The following SLC44A5 variants were observed in gnomAD, a reference collection of about 807,000 sequenced individuals.
SLC44A5 encodes the protein choline transporter-like protein 5.
SLC44A5 carries 57 observed loss-of-function variants against 101.8 expected under a neutral mutation model. That is an observed-to-expected ratio of 0.56 (90% CI 0.45 to 0.70). The LOEUF is 0.70. SLC44A5 is among the 30% of genes least tolerant of loss of function. SLC44A5 has a pLI of 0.00. For missense variants in SLC44A5, 737 were observed against 853.1 expected (o/e 0.86, Z 1.70); for synonymous variants, 281 against 290.9 (o/e 0.97, Z 0.35).
intron 3 of SLC44A5, among the ~76,000 whole-genome samples, chr1:75,357,459 G>A (rs1659165791): frequency 6.6e-6 from 1 of 152,150 alleles, no homozygotes; most frequent in Non-Finnish European, 1.5e-5. Flanking sequence ...GAGACACAAA[G>A]ATGGATAAGA....
chr1:75,242,837 G>A, intron 8 of SLC44A5, 49 bp downstream of exon 8: 2 of 1,512,854 alleles, frequency 1.3e-6, no homozygotes, highest in Middle Eastern at 1.8e-4. Context: ...ACTTGAGATT[G>A]AAAAAAAAAG....
chr1:75,620,199 A>G, the SLC44A5 span, among the ~76,000 whole-genome samples: 1 of 152,098 alleles, frequency 6.6e-6, no homozygotes, highest in African/African-American at 2.4e-5. Flanking sequence ...TCCATGGTGT[A>G]TATGTGCCAC....
chr1:75,682,359 A>G, the SLC44A5 span, among the ~76,000 whole-genome samples: 30 of 152,168 alleles, frequency 2.0e-4, no homozygotes, highest in African/African-American at 7.2e-4. Context: ...AAACTATACT[A>G]CAAGGCTACA....
chr1:75,236,705 A>C (rs1648115627), intron 11 of SLC44A5, among the ~76,000 whole-genome samples: 1 of 152,074 alleles, frequency 6.6e-6, no homozygotes. Flanking sequence ...ATATTGCTCC[A>C]TGTGACTTGA....
chr1:75,605,564 A>C (rs953826777), intron 1 of SLC44A5, among the ~76,000 whole-genome samples: 2 of 152,000 alleles, frequency 1.3e-5, no homozygotes, highest in Non-Finnish European at 2.9e-5. Context: ...ACAGATGCAG[A>C]ATAGAAATCA....
In SLC44A5 at chr1:75,540,687, T is replaced by C. The variant is rs115013335; in HGVS notation, c.13+748A>G. On this transcript the variant is annotated intron_variant, in intron 2 of 23. Transcript: ENST00000370859. ...ACATTCTGTATTTTCTACTTTAACT[T>C]GTACTTATGCCACATTTTTTTTTCA... 9.1e-3 allele frequency among the ~76,000 whole-genome samples: 1,381 copies of C among 152,330 alleles called. 23 individuals carry two copies. Among genetic ancestry groups the C allele is most frequent in the African/African-American group, 0.031 (1,282 of 41,564 alleles).
intron 4 of SLC44A5, among the ~76,000 whole-genome samples, chr1:75,309,017 T>G (rs909413649): frequency 2.0e-5 from 3 of 152,214 alleles, no homozygotes; most frequent in Non-Finnish European, 4.4e-5. Flanking sequence ...CCCAGTAATT[T>G]TCTTTTTAGT....
the SLC44A5 span, chr1:75,641,639 C>T: frequency 6.7e-7 from 1 of 1,491,204 alleles, no homozygotes. Flanking sequence ...AATTGCATAA[C>T]AAGGAAGTAA....
intron 7 of SLC44A5, among the ~76,000 whole-genome samples, chr1:75,247,605 G>T (rs1327011460): frequency 2.6e-5 from 4 of 152,060 alleles, no homozygotes; most frequent in Non-Finnish European, 5.9e-5. Context: ...GAAATGCAGT[G>T]TTTAAAAGAT....
chr1:75,407,309 C>A (rs936741349), intron 2 of SLC44A5, among the ~76,000 whole-genome samples: 1 of 152,050 alleles, frequency 6.6e-6, no homozygotes, highest in African/African-American at 2.4e-5. Flanking sequence ...GATTCAATGC[C>A]ATCCCCATCA....
chr1:75,336,813 C>T (rs200088949), intron 4 of SLC44A5, among the ~76,000 whole-genome samples: 2 of 152,092 alleles, frequency 1.3e-5, no homozygotes, highest in East Asian at 3.9e-4. Context: ...GTGTCATGCC[C>T]CCTGTAGACA....
intron 1 of SLC44A5, among the ~76,000 whole-genome samples, chr1:75,601,373 C>T (rs1015780734): frequency 3.9e-4 from 2 of 5,084 alleles, no homozygotes; most frequent in Middle Eastern, 0.083. Flanking sequence ...TGGGGCTTGT[C>T]GGGGGCTGGG....
At chr1:75,706,418 CTATT>C in the SLC44A5 span, among the ~76,000 whole-genome samples, 1 of 152,052 alleles carries the variant, frequency 6.6e-6, no homozygotes, top group Non-Finnish European at 1.5e-5. Flanking sequence ...ATTATTTTCT[CTATT>C]TACTCTGCAC....
chr1:75,710,460 A>C, the SLC44A5 span: 8 of 143,136 alleles, frequency 5.6e-5, no homozygotes, highest in East Asian at 1.9e-3. Flanking sequence ...GCTACTTGGG[A>C]GGCTGAGGTG....
chr1:75,624,268 T>C, the SLC44A5 span, among the ~76,000 whole-genome samples: 1 of 152,134 alleles, frequency 6.6e-6, no homozygotes, highest in African/African-American at 2.4e-5. Flanking sequence ...ATATTAACTA[T>C]TTTTAGAAGA....
intron 1 of SLC44A5, among the ~76,000 whole-genome samples, chr1:75,604,228 T>A (rs1487688849): frequency 6.6e-6 from 1 of 152,194 alleles, no homozygotes; most frequent in Non-Finnish European, 1.5e-5. Context: ...TTCTTCTGCA[T>A]ATGGATAGCC....
the SLC44A5 span, among the ~76,000 whole-genome samples, chr1:75,650,019 A>G: frequency 1.3e-5 from 2 of 152,190 alleles, no homozygotes; most frequent in Non-Finnish European, 2.9e-5. Flanking sequence ...TCAGCAGCAG[A>G]GATTCTTTCT....
At chr1:75,524,389 A>C (rs1670306361) in intron 2 of SLC44A5, among the ~76,000 whole-genome samples, 1 of 152,210 alleles carries the variant, frequency 6.6e-6, no homozygotes, top group African/African-American at 2.4e-5. Flanking sequence ...TAGCAGTGTG[A>C]GAATGAACTA....
intron 5 of SLC44A5, among the ~76,000 whole-genome samples, chr1:75,297,662 G>T (rs1464841560): frequency 6.6e-6 from 1 of 152,156 alleles, no homozygotes; most frequent in African/African-American, 2.4e-5. Context: ...GTATAGGAAA[G>T]AATAATTTGC....
Sources: gnomAD v4.1 joint callset for allele counts (sites outside exome capture counted in the v4.1 genomes callset) on GRCh38, gnomAD v4.1.1 for gene constraint, MANE v1.5 for transcripts, NCBI Gene and HGNC (gene_info 2026-07-23, HGNC 2026-07-21) for gene names.